Variants in SPTLC3 observed in about 807,000 individuals in gnomAD.
SPTLC3 encodes the protein serine palmitoyltransferase 3.
In SPTLC3, 36 loss-of-function variants were observed where a neutral mutation model predicts 59.3. The ratio of observed to expected loss-of-function variants is 0.61; its 90% CI spans 0.47 to 0.80. The LOEUF (loss-of-function observed/expected upper bound fraction) is 0.80. SPTLC3 is among the 30% of genes least tolerant of loss of function. SPTLC3 has a pLI of 0.00. For missense variants in SPTLC3, 625 were observed against 685.1 expected (o/e 0.91, Z 0.98); for synonymous variants, 257 against 240.8 (o/e 1.07, Z -0.62).
chr20:13,159,363 C>T (rs1288132435), intron 10 of SPTLC3, among the ~76,000 whole-genome samples: 1 of 152,138 alleles, frequency 6.6e-6, no homozygotes, highest in Non-Finnish European at 1.5e-5. Context: ...CTGTGCATCC[C>T]TGGGCATGTT....
At chr20:13,126,478 G>A (rs2037992793) in intron 8 of SPTLC3, 113 bp from the exon 9 acceptor site, 2 of 1,253,598 alleles carry the variant, frequency 1.6e-6, no homozygotes, top group African/African-American at 1.5e-5. Context: ...CATCTTTTGA[G>A]CATGAGATCA....
intron 5 of SPTLC3, among the ~76,000 whole-genome samples, chr20:13,093,047 T>C (rs572803972): frequency 5.9e-5 from 9 of 152,212 alleles, no homozygotes; most frequent in African/African-American, 1.9e-4. Context: ...GAATCAGAAG[T>C]AAGAGCTTGA....
chr20:13,021,623 C>T (rs1047659728), intron 1 of SPTLC3, among the ~76,000 whole-genome samples: 2 of 146,710 alleles, frequency 1.4e-5, no homozygotes, highest in Non-Finnish European at 3.0e-5. Context: ...CCCTGCACGT[C>T]TCAAGTTAGC....
At position 13,168,999 on chromosome 20, in the gene SPTLC3, C is replaced by G. The variant is rs1310784594; in HGVS notation, c.*4132C>G. ...TGTGTCTTTGTGTGTGTGAGAAGGA[C>G]AGAGAGAAATGTATGTTTCACTGAA... On this transcript the variant is annotated 3_prime_UTR_variant, in exon 12 of 12. Transcript: ENST00000399002. 6.9e-6 allele frequency: 1 copy of G among 144,450 alleles called. No homozygotes were observed. The highest frequency in any genetic ancestry group is 2.5e-5 in the African/African-American group (1 of 39,518). 8.9% of individuals were successfully genotyped at this position (144,450 alleles called of 1,614,324 possible).
Position 13,009,258 on chromosome 20 carries a change from C to T in SPTLC3, c.-10C>T. 1.9e-6 allele frequency: 3 copies of T among 1,613,310 alleles called. No individual in the cohort carries two copies. Among genetic ancestry groups the T allele is most frequent in the Non-Finnish European group, 8.5e-7 (1 of 1,179,306 alleles). On this transcript the variant is annotated 5_prime_UTR_variant, in exon 1 of 12. Coordinates refer to ENST00000399002, the MANE Select transcript of SPTLC3 (RefSeq NM_018327.4). Reference sequence around the variant, plus strand: ...GGAAAACCTGTCCCGGGCTCTGTCACTTCACACCCATGGCTAACCCTGGAG... The same window carrying T: ...GGAAAACCTGTCCCGGGCTCTGTCATTTCACACCCATGGCTAACCCTGGAG...
intron 4 of SPTLC3, among the ~76,000 whole-genome samples, chr20:13,081,644 C>T (rs944761792): frequency 6.6e-5 from 10 of 152,060 alleles, no homozygotes; most frequent in Non-Finnish European, 1.5e-4. Context: ...TTTTAATTAA[C>T]ATATTTTTAC....
chr20:13,022,152 G>A (rs1985918691), intron 1 of SPTLC3, among the ~76,000 whole-genome samples: 1 of 152,094 alleles, frequency 6.6e-6, no homozygotes, highest in South Asian at 2.1e-4. Flanking sequence ...CCTTCTTGTG[G>A]CTCAAGCCAT....
At chr20:13,024,365 T>C (rs1986042807) in intron 1 of SPTLC3, among the ~76,000 whole-genome samples, 1 of 149,134 alleles carries the variant, frequency 6.7e-6, no homozygotes, top group Non-Finnish European at 1.5e-5. Context: ...TAGATTCTAG[T>C]TAGCATTTTG....
rs569036087 is a variant in SPTLC3, at chr20:13,044,415, C to G, written c.118-4530C>G. Among the ~76,000 whole-genome samples the G allele has an allele frequency of 4.6e-5, 7 of 152,222 alleles. No individual in the cohort carries two copies. In the South Asian group the frequency reaches 1.5e-3, roughly 32 times the overall value. On this transcript the variant is annotated intron_variant, in intron 1 of 11. Transcript: ENST00000399002. Reference sequence around the variant, plus strand: ...CAGCGCCCAGCTGATACATTATATTCTTGATCAATATATCCTAGGTCAATG... The same window carrying G: ...CAGCGCCCAGCTGATACATTATATTGTTGATCAATATATCCTAGGTCAATG...
intron 2 of SPTLC3, among the ~76,000 whole-genome samples, chr20:13,069,088 C>T (rs528865462): frequency 7.2e-4 from 110 of 152,246 alleles, no homozygotes; most frequent in African/African-American, 2.5e-3. Context: ...GCTGTTTTTT[C>T]AAGCCAACGC....
At chr20:13,038,059 T>TATATATATATATATATAA (rs1226858145) in intron 1 of SPTLC3, among the ~76,000 whole-genome samples, 4 of 150,532 alleles carry the variant, frequency 2.7e-5, no homozygotes, top group African/African-American at 9.8e-5. Context: ...TATATATATA[T>TATATATATATATATATAA]AATATATCTT....
chr20:13,091,103 G>A lies in SPTLC3; in HGVS notation c.628G>A (p.Glu210Lys). The change falls in exon 5 of 12, where the codon GAG becomes AAG. Residue 210 changes from glutamate to lysine, a missense_variant. Coordinates refer to ENST00000399002, the MANE Select transcript of SPTLC3 (RefSeq NM_018327.4). Reference protein sequence around the residue: ...HEMGTLDKHKELEDLVAKFLN... With the variant: ...HEMGTLDKHKKLEDLVAKFLN... ...TGCAGGCACCTTGGATAAGCACAAG[G>A]AGTTGGAGGACCTTGTGGCTAAGTT... is the stretch of plus-strand genomic sequence containing the variant. 1 of 1,614,014 alleles carries A rather than the reference G, an allele frequency of 6.2e-7. No homozygotes were observed. Among genetic ancestry groups the A allele is most frequent in the Non-Finnish European group, 8.5e-7 (1 of 1,179,886 alleles).
At chr20:13,044,377 C>T (rs1288247481) in intron 1 of SPTLC3, among the ~76,000 whole-genome samples, 1 of 152,162 alleles carries the variant, frequency 6.6e-6, no homozygotes. Flanking sequence ...GCTGGGATTA[C>T]AGGCATGAGC....
At chr20:13,013,932 C>T (rs1344793563) in intron 1 of SPTLC3, among the ~76,000 whole-genome samples, 1 of 152,158 alleles carries the variant, frequency 6.6e-6, no homozygotes, top group African/African-American at 2.4e-5. Flanking sequence ...AAGATCACCC[C>T]ATTCACATGT....
chr20:13,149,715 G>C (rs546642294), intron 9 of SPTLC3, among the ~76,000 whole-genome samples: 1 of 152,344 alleles, frequency 6.6e-6, no homozygotes, highest in African/African-American at 2.4e-5. Context: ...GATACCCCTG[G>C]ATATCATCTG....
At chr20:13,067,744 T>C (rs1181688843) in intron 2 of SPTLC3, among the ~76,000 whole-genome samples, 1 of 152,134 alleles carries the variant, frequency 6.6e-6, no homozygotes, top group East Asian at 1.9e-4. Flanking sequence ...GTTACCCTTA[T>C]CAACCAAAAG....
intron 6 of SPTLC3, among the ~76,000 whole-genome samples, chr20:13,105,455 C>T (rs945911395): frequency 6.6e-6 from 1 of 151,920 alleles, no homozygotes; most frequent in Non-Finnish European, 1.5e-5. Context: ...TAAAACACAG[C>T]GCGGCCACCG....
chr20:13,111,352 C>T (rs1455411137), intron 7 of SPTLC3, among the ~76,000 whole-genome samples: 1 of 152,146 alleles, frequency 6.6e-6, no homozygotes, highest in East Asian at 1.9e-4. Context: ...TGAGCTTGTC[C>T]TTGCCCCAGC....
Position 13,142,755 on chromosome 20 carries a change from T to G in SPTLC3, c.1280-11248T>G, listed in dbSNP as rs111804934. Among the ~76,000 whole-genome samples the G allele has an allele frequency of 5.6e-3, 846 of 152,278 alleles. 2 individuals are homozygous for G. The highest frequency in any genetic ancestry group is 0.014 in the Middle Eastern group (4 of 294). ...CCAAGCTCACATGGCTGTGCCAGAATCCAGTCTTTTGGGGCTGTAGGACTG... is the reference window on the plus strand; with the variant it reads ...CCAAGCTCACATGGCTGTGCCAGAAGCCAGTCTTTTGGGGCTGTAGGACTG... On this transcript the variant is annotated intron_variant, in intron 9 of 11. Transcript: ENST00000399002.
Sources: allele counts gnomAD v4.1 joint callset (sites outside exome capture counted in the v4.1 genomes callset), GRCh38; gene constraint gnomAD v4.1.1; transcripts MANE v1.5; gene names NCBI Gene and HGNC (gene_info 2026-07-23, HGNC 2026-07-21).